The following FBH1 variants were observed in gnomAD, a reference collection of about 807,000 sequenced individuals.
FBH1 encodes F-box DNA helicase 1, also known as DNA 3'-5' helicase 1.
Under a neutral mutation model 115.5 loss-of-function variants are expected in FBH1, and 43 were observed. The observed-to-expected ratio is 0.37, with a 90% CI of 0.29 to 0.48. The LOEUF is 0.48. Ranked by LOEUF, FBH1 falls within the 20% of genes least tolerant of loss-of-function variation. The pLI is 0.99. For synonymous variants in FBH1, 524 were observed against 507.8 expected (o/e 1.03, Z -0.43); for missense variants, 1,001 against 1,337.3 (o/e 0.75, Z 3.92).
chr10:5,937,520 A>T lies in FBH1; in HGVS notation c.*240A>T, dbSNP rs1053504318. 7 of 186,178 alleles carry T rather than the reference A, an allele frequency of 3.8e-5. No homozygotes were observed. Among genetic ancestry groups the T allele is most frequent in the South Asian group, 2.0e-4 (1 of 4,910 alleles). 11.5% of individuals were successfully genotyped at this position (186,178 alleles called of 1,614,324 possible). A position where few individuals can be genotyped will look rare whatever the true frequency, so the allele number is the denominator to read the frequency against. The stretch of plus-strand genomic sequence containing the variant: ...GAAGTGGGGGATGTTCTTTTGATAA[A>T]AAAAAAAAAAAAAATTTATGTATTT... On this transcript the variant is annotated 3_prime_UTR_variant, in exon 21 of 21. Transcript: ENST00000362091.
In FBH1 at chr10:5,924,752, G is replaced by A. The variant is rs1337312890; in HGVS notation, c.2596+244G>A. The A allele has an allele frequency of 1.8e-6, 1 of 556,932 alleles. No individual in the cohort carries two copies. Among genetic ancestry groups the A allele is most frequent in the African/African-American group, 1.9e-5 (1 of 53,756 alleles). 34.5% of individuals were successfully genotyped at this position (556,932 alleles called of 1,614,324 possible). Reference sequence around the variant, plus strand: ...GGCTAGTTTGTGTATTTTTTGTAGAGATGGAGTCTCACCATGTTGGCCAGG... The same window carrying A: ...GGCTAGTTTGTGTATTTTTTGTAGAAATGGAGTCTCACCATGTTGGCCAGG... On this transcript the variant is annotated intron_variant, in intron 17 of 20. Transcript: ENST00000362091. This position sits in a 1 kb window ranked among gnomAD's most constrained non-coding sequence, Gnocchi z 6.2.
chr10:5,901,553 CT>C (rs1350892285), intron 1 of FBH1, among the ~76,000 whole-genome samples: 5 of 147,900 alleles, frequency 3.4e-5, no homozygotes, highest in African/African-American at 1.2e-4. Context: ...AACTTTAATT[CT>C]TTTTTTTCTT....
rs779617020 is a variant in FBH1, at chr10:5,913,843, T to C, written c.1304+4T>C. The C allele has an allele frequency of 6.9e-6, 11 of 1,585,132 alleles. No individual in the cohort carries two copies. In the African/African-American group the frequency reaches 8.2e-5, roughly 12 times the overall value. On this transcript the variant is annotated splice_donor_region_variant and intron_variant, in intron 7 of 20. Transcript: ENST00000362091. This position sits in a 1 kb window ranked among gnomAD's most constrained non-coding sequence, Gnocchi z 4.4. ...AGGAGCCATCTGTCTGGCCAGGGTA[T>C]GTGTATATGTGCGTCAGCGTGTGTT...
intron 1 of FBH1, among the ~76,000 whole-genome samples, chr10:5,891,975 C>T (rs1012761808): frequency 6.6e-6 from 1 of 152,190 alleles, no homozygotes; most frequent in Non-Finnish European, 1.5e-5. Context: ...TCGATTCTGC[C>T]TCTTGTGTCT....
At position 5,931,827 on chromosome 10, in the gene FBH1, A is replaced by C. The variant is rs577233258; in HGVS notation, c.2829+4286A>C. 6.6e-6 allele frequency among the ~76,000 whole-genome samples: 1 copy of C among 152,240 alleles called. No individual in the cohort carries two copies. The highest frequency in any genetic ancestry group is 2.1e-4 in the South Asian group (1 of 4,812). On this transcript the variant is annotated intron_variant, in intron 19 of 20. Transcript: ENST00000362091. The surrounding 1 kb of genome is among the most constrained non-coding windows in gnomAD (Gnocchi z 4.3). ...GATTTAATGATCTTTCTTGATGTGT[A>C]AGGCCTGTTAATGTTTTCAAAGTCA...
intron 2 of FBH1, among the ~76,000 whole-genome samples, chr10:5,903,895 T>C (rs1843529366): frequency 6.6e-6 from 1 of 152,230 alleles, no homozygotes; most frequent in Non-Finnish European, 1.5e-5. Context: ...CCTGGACTAC[T>C]ACAGTAACCT....
upstream of FBH1, chr10:5,890,095 G>C (rs1043363427): frequency 1.3e-5 from 4 of 315,636 alleles, no homozygotes; most frequent in Middle Eastern, 8.8e-4. Context: ...TTCGATTGGC[G>C]TTAGTGGCCG....
rs993222748 is a variant in FBH1 at position 5,921,154 on chromosome 10, A to C, written c.2101-104A>C. 13 of 1,070,746 alleles carry C rather than the reference A, an allele frequency of 1.2e-5. No individual in the cohort carries two copies. The highest frequency in any genetic ancestry group is 2.3e-4 in the Middle Eastern group (1 of 4,318). 66.3% of individuals were successfully genotyped at this position (1,070,746 alleles called of 1,614,324 possible). A position where few individuals can be genotyped will look rare whatever the true frequency, so the allele number is the denominator to read the frequency against. ...TCGCTTTCCATGCGGGGGGTCAGGA[A>C]CAACTTGTAGGGTCTGGCCCGGCCA... is the stretch of plus-strand genomic sequence containing the variant. On this transcript the variant is annotated intron_variant, in intron 13 of 20. Coordinates refer to ENST00000362091, the MANE Select transcript of FBH1 (RefSeq NM_178150.3). This position sits in a 1 kb window ranked among gnomAD's most constrained non-coding sequence, Gnocchi z 6.4.
At position 5,918,283 on chromosome 10, in the gene FBH1, T is replaced by G. The variant is rs1832097798; in HGVS notation, c.1964-59T>G. On this transcript the variant is annotated intron_variant, in intron 12 of 20. Coordinates refer to ENST00000362091, the MANE Select transcript of FBH1 (RefSeq NM_178150.3). The surrounding 1 kb of genome is among the most constrained non-coding windows in gnomAD (Gnocchi z 4.0). ...TCGTGGAAGTGTTTTTGTCCTTTTC[T>G]TTTTGCTGCCTGGGGTGGAGGCCTC... 6.9e-6 allele frequency: 11 copies of G among 1,587,436 alleles called. No individual in the cohort carries two copies. The highest frequency in any genetic ancestry group is 9.4e-6 in the Non-Finnish European group (11 of 1,172,686).
intron 18 of FBH1, among the ~76,000 whole-genome samples, chr10:5,926,458 A>G (rs909060302): frequency 8.5e-5 from 13 of 152,194 alleles, no homozygotes; most frequent in African/African-American, 2.9e-4. Context: ...ACTTTGTAAT[A>G]AATTTGTACT....
chr10:5,929,989 C>T (rs974341872), intron 19 of FBH1: 6 of 152,168 alleles, frequency 3.9e-5, no homozygotes, highest in African/African-American at 1.4e-4. Context: ...ATTGGTAGAA[C>T]TGTGCAGGGT....
At position 5,915,467 on chromosome 10, in the gene FBH1, T is replaced by C; in HGVS notation, c.1461T>C (p.Tyr487=). The change falls in exon 9 of 21, where the codon TAT becomes TAC. Residue 487 remains tyrosine, a synonymous_variant. Transcript: ENST00000362091. This position sits in a 1 kb window ranked among gnomAD's most constrained non-coding sequence, Gnocchi z 5.2. ...AGTGGTCTCAGAGCAGGTTTCTGTA[T>C]GTGACATTCAACAAGAGCATCGCAA... ...AEKWSQSRFL[Y]VTFNKSIAKQ... is the part of the protein sequence containing the mutation. 1 of 1,614,198 alleles carries C rather than the reference T, an allele frequency of 6.2e-7. No homozygotes were observed.
chr10:5,892,515 T>G (rs1354229274), intron 1 of FBH1, among the ~76,000 whole-genome samples: 1 of 152,232 alleles, frequency 6.6e-6, no homozygotes, highest in Non-Finnish European at 1.5e-5. Context: ...AATTACCTAC[T>G]TTTAGAAAGC....
rs1831838709 is a variant in FBH1, at chr10:5,915,022, C to T, written c.1397-381C>T. Among the ~76,000 whole-genome samples, 1 of 152,154 alleles carries T rather than the reference C, an allele frequency of 6.6e-6. No homozygotes were observed. Among genetic ancestry groups the T allele is most frequent in the South Asian group, 2.1e-4 (1 of 4,824 alleles). ...GGTGGAGGTGGAATTCAAAGCTGGA[C>T]CTGTCTCTCTCCAGAGACATGCCTT... On this transcript the variant is annotated intron_variant, in intron 8 of 20. Coordinates refer to ENST00000362091, the MANE Select transcript of FBH1 (RefSeq NM_178150.3). The surrounding 1 kb of genome is among the most constrained non-coding windows in gnomAD (Gnocchi z 5.2).
chr10:5,896,070 G>A (rs960030582), intron 1 of FBH1, among the ~76,000 whole-genome samples: 1 of 152,238 alleles, frequency 6.6e-6, no homozygotes, highest in South Asian at 2.1e-4. Context: ...CAGACACGCA[G>A]TTCTCACTCT....
rs1366394989 is a variant in FBH1, at chr10:5,913,195, G to A, written c.1212-552G>A. ...CTTTGGTCCCTCTTGGTGACTTGGA[G>A]CCTACTGTTTTCAGGTCCTTAGTAG... On this transcript the variant is annotated intron_variant, in intron 6 of 20. Coordinates refer to ENST00000362091, the MANE Select transcript of FBH1 (RefSeq NM_178150.3). This position sits in a 1 kb window ranked among gnomAD's most constrained non-coding sequence, Gnocchi z 4.4. 6.6e-6 allele frequency among the ~76,000 whole-genome samples: 1 copy of A among 152,162 alleles called. No homozygotes were observed. Among genetic ancestry groups the A allele is most frequent in the Non-Finnish European group, 1.5e-5 (1 of 68,010 alleles).
At position 5,906,965 on chromosome 10, in the gene FBH1, C is replaced by CT. The variant is rs35421692; in HGVS notation, c.753+348dup. Among the ~76,000 whole-genome samples, 3,566 of 142,716 alleles carry CT rather than the reference C, an allele frequency of 0.025. 107 individuals are homozygous for CT. The highest frequency in any genetic ancestry group is 0.075 in the African/African-American group (2,938 of 39,128). 93.6% of individuals were successfully genotyped at this position (142,716 alleles called of 152,430 possible). Reference sequence around the variant, plus strand: ...GGGTTCCTCATATCTCCCTTGACTTCTTTTTTTTTTTTTTTGAGACAGAGT... The same window carrying CT: ...GGGTTCCTCATATCTCCCTTGACTTCTTTTTTTTTTTTTTTTGAGACAGAGT... On this transcript the variant is annotated intron_variant, in intron 3 of 20. Transcript: ENST00000362091. The surrounding 1 kb of genome is among the most constrained non-coding windows in gnomAD (Gnocchi z 7.3).
chr10:5,921,465 G>C lies in FBH1; in HGVS notation c.2218G>C (p.Ala740Pro). The change falls in exon 15 of 21, where the codon GCA (alanine) becomes CCA (proline). Residue 740 changes from alanine to proline, a missense_variant. Transcript: ENST00000362091. This position sits in a 1 kb window ranked among gnomAD's most constrained non-coding sequence, Gnocchi z 6.4. Reference protein sequence around the residue: ...GNHQSGIRGDAKGQVALLSRT... With the variant: ...GNHQSGIRGDPKGQVALLSRT... ...CCCTAAAGGTGGCATTAGAGGTGAC[G>C]CAAAGGGGCAAGTGGCCTTGTTGTC... 1.2e-6 allele frequency: 2 copies of C among 1,602,812 alleles called. No homozygotes were observed. Among genetic ancestry groups the C allele is most frequent in the South Asian group, 2.2e-5 (2 of 88,970 alleles).
In FBH1 at chr10:5,918,317, T is replaced by C. The variant is rs1317410029; in HGVS notation, c.1964-25T>C. The C allele has an allele frequency of 1.1e-5, 17 of 1,604,282 alleles. No homozygotes were observed. Among genetic ancestry groups the C allele is most frequent in the Non-Finnish European group, 1.4e-5 (17 of 1,177,760 alleles). On this transcript the variant is annotated intron_variant, in intron 12 of 20. Transcript: ENST00000362091. This position sits in a 1 kb window ranked among gnomAD's most constrained non-coding sequence, Gnocchi z 4.0. ...CCTGGGGTGGAGGCCTCAAGGTTTC[T>C]CACTTTTCCTCTCGTTGGTTACAGC... is the stretch of plus-strand genomic sequence containing the variant.
Sources: allele counts gnomAD v4.1 joint callset (sites outside exome capture counted in the v4.1 genomes callset), GRCh38; gene constraint gnomAD v4.1.1; non-coding constraint Gnocchi (gnomAD v3.1); transcripts MANE v1.5; gene names NCBI Gene and HGNC (gene_info 2026-07-23, HGNC 2026-07-21).